EYS: variants seen among roughly 807,000 people sequenced by gnomAD.
EYS encodes the protein protein eyes shut homolog.
A neutral mutation model predicts 282.1 loss-of-function variants in EYS; 250 were observed. The observed-to-expected ratio is 0.89, with a 90% CI of 0.80 to 0.98. The LOEUF (loss-of-function observed/expected upper bound fraction) is 0.98. EYS is among the 50% of genes least tolerant of loss of function. EYS has a pLI of 0.00. For synonymous variants in EYS, 1,355 were observed against 1,282.9 expected, an observed-to-expected ratio of 1.06 and a Z score of -1.20; for missense variants, 4,016 against 3,709.0, an observed-to-expected ratio of 1.08 and a Z score of -2.15.
chr6:65,474,874 T>C (rs879370111), intron 5 of EYS, among the ~76,000 whole-genome samples: 17 of 151,940 alleles, frequency 1.1e-4, no homozygotes, highest in Non-Finnish European at 2.2e-4. Context: ...GAACTGGAAG[T>C]GAACGACAGA....
rs1034265235 is a variant in EYS at position 65,495,874 on chromosome 6, T to C, written c.-213A>G. The C allele has an allele frequency of 5.8e-6, 1 of 171,646 alleles. No homozygotes were observed. Among genetic ancestry groups the C allele is most frequent in the African/African-American group, 2.4e-5 (1 of 41,598 alleles). The allele number at this position is 171,646 out of a possible 1,614,324, so 10.6% of individuals were successfully genotyped here. On this transcript the variant is annotated 5_prime_UTR_variant, in exon 3 of 43. Coordinates refer to ENST00000503581, the MANE Select transcript of EYS (RefSeq NM_001142800.2). ...AGCAACTTACTGCGGTCTTTTGTGTTTTCTCTTTACACCAAGCTTCAATCT... is the reference window on the plus strand; with the variant it reads ...AGCAACTTACTGCGGTCTTTTGTGTCTTCTCTTTACACCAAGCTTCAATCT...
chr6:64,220,803 A>G (rs749951359), intron 31 of EYS, among the ~76,000 whole-genome samples: 5 of 152,176 alleles, frequency 3.3e-5, no homozygotes, highest in Non-Finnish European at 7.3e-5. Flanking sequence ...AACTTGGATT[A>G]GATAGGTAGA....
Position 65,270,343 on chromosome 6 carries a change from C to T in EYS, c.2023+25520G>A, listed in dbSNP as rs9453238. ...TGATTCCACTGGGGTAGGTGTCCTG[C>T]CTTCCAGAATTATTGGATCAGGAGT... On this transcript the variant is annotated intron_variant, in intron 12 of 42. Coordinates refer to ENST00000503581, the MANE Select transcript of EYS (RefSeq NM_001142800.2). Among the ~76,000 whole-genome samples, 1,412 of 152,210 alleles carry T rather than the reference C, an allele frequency of 9.3e-3. 19 individuals are homozygous for T. The highest frequency in any genetic ancestry group is 0.032 in the African/African-American group (1,331 of 41,528).
chr6:65,593,288 C>T (rs1023668903), intron 2 of EYS, among the ~76,000 whole-genome samples: 1 of 151,896 alleles, frequency 6.6e-6, no homozygotes, highest in Admixed American at 6.6e-5. Context: ...ATGGAAAAAA[C>T]CATATTCTTC....
chr6:64,358,090 G>A (rs750308802), intron 29 of EYS, among the ~76,000 whole-genome samples: 9 of 151,580 alleles, frequency 5.9e-5, no homozygotes, highest in Non-Finnish European at 1.0e-4. Flanking sequence ...ATGAATTCCT[G>A]ATTGAATATC....
At chr6:65,061,068 T>C (rs1313597156) in intron 12 of EYS, among the ~76,000 whole-genome samples, 2 of 151,860 alleles carry the variant, frequency 1.3e-5, no homozygotes, top group Admixed American at 6.6e-5. Context: ...TCATAAAGAT[T>C]GCCAGAAACA....
At chr6:65,399,537 A>T (rs1766414623) in intron 7 of EYS, among the ~76,000 whole-genome samples, 1 of 152,052 alleles carries the variant, frequency 6.6e-6, no homozygotes, top group Non-Finnish European at 1.5e-5. Context: ...TAGTAATTCA[A>T]AATCATTTTC....
intron 31 of EYS, among the ~76,000 whole-genome samples, chr6:64,193,291 C>T (rs886815820): frequency 6.6e-6 from 1 of 151,828 alleles, no homozygotes; most frequent in African/African-American, 2.4e-5. Context: ...ATGTGTCTTA[C>T]ATAGAATGAG....
intron 8 of EYS, among the ~76,000 whole-genome samples, chr6:65,372,620 A>T (rs1765202959): frequency 6.6e-6 from 1 of 152,032 alleles, no homozygotes; most frequent in Non-Finnish European, 1.5e-5. Flanking sequence ...TAGAAACCTA[A>T]CACTCTCAAT....
At chr6:64,176,900 C>A (rs1003184790) in intron 31 of EYS, among the ~76,000 whole-genome samples, 143 of 151,948 alleles carry the variant, frequency 9.4e-4, no homozygotes, top group African/African-American at 3.3e-3. Context: ...GTCTAGTTTC[C>A]ATTTGACTTT....
intron 29 of EYS, among the ~76,000 whole-genome samples, chr6:64,361,894 T>G (rs1394209269): frequency 6.6e-6 from 1 of 151,868 alleles, no homozygotes; most frequent in Non-Finnish European, 1.5e-5. Context: ...ATGCTATTAT[T>G]ATGTCATTTA....
intron 2 of EYS, among the ~76,000 whole-genome samples, chr6:65,553,199 A>C (rs1768664085): frequency 6.6e-6 from 1 of 152,086 alleles, no homozygotes; most frequent in African/African-American, 2.4e-5. Context: ...GACATGTCTT[A>C]TTTTTGCCAA....
intron 26 of EYS, among the ~76,000 whole-genome samples, chr6:64,539,286 T>C (rs1764623566): frequency 6.6e-6 from 1 of 152,134 alleles, no homozygotes; most frequent in African/African-American, 2.4e-5. Flanking sequence ...AGACTCTTAG[T>C]GGGGTACAGA....
chr6:63,942,815 G>T (rs999073665), intron 35 of EYS, among the ~76,000 whole-genome samples: 1 of 151,898 alleles, frequency 6.6e-6, no homozygotes, highest in African/African-American at 2.4e-5. Context: ...TACCTCTTCC[G>T]CCTCTGCTAT....
chr6:63,727,706 CAAAAAAAAA>C (rs1169878020), intron 41 of EYS, among the ~76,000 whole-genome samples: 3 of 9,520 alleles, frequency 3.2e-4, no homozygotes, highest in East Asian at 3.7e-3. Context: ...CACCATCTCT[CAAAAAAAAA>C]AAAAAAAAAA....
chr6:64,602,704 A>G (rs1242364951), intron 24 of EYS, among the ~76,000 whole-genome samples: 1 of 152,022 alleles, frequency 6.6e-6, no homozygotes, highest in South Asian at 2.1e-4. Flanking sequence ...GCTCAAAGCC[A>G]TTTACCACTA....
chr6:64,503,823 G>A (rs1777128015), intron 26 of EYS, among the ~76,000 whole-genome samples: 1 of 152,152 alleles, frequency 6.6e-6, no homozygotes, highest in African/African-American at 2.4e-5. Context: ...GAGGGGCCTG[G>A]TGGGAGGTAA....
At chr6:65,112,474 GA>G (rs1336606836) in intron 12 of EYS, among the ~76,000 whole-genome samples, 1 of 151,882 alleles carries the variant, frequency 6.6e-6, no homozygotes, top group Non-Finnish European at 1.5e-5. Flanking sequence ...TAAAAACAAA[GA>G]AAAACAAAAT....
chr6:64,253,506 T>C (rs1276619879), intron 30 of EYS, among the ~76,000 whole-genome samples: 1 of 152,202 alleles, frequency 6.6e-6, no homozygotes, highest in Non-Finnish European at 1.5e-5. Context: ...GTTATCGTCG[T>C]GGGTCACTGT....
Sources: gnomAD v4.1 joint callset for allele counts (sites outside exome capture counted in the v4.1 genomes callset) on GRCh38, gnomAD v4.1.1 for gene constraint, MANE v1.5 for transcripts, NCBI Gene and HGNC (gene_info 2026-07-23, HGNC 2026-07-21) for gene names.